Variants in BRME1 observed in about 807,000 individuals in gnomAD.
The protein encoded by BRME1 is break repair meiotic recombinase recruitment factor 1.
In BRME1, 31 loss-of-function variants were observed where a neutral mutation model predicts 52.6. The ratio of observed to expected loss-of-function variants is 0.59; its 90% confidence interval spans 0.44 to 0.80. BRME1 has a LOEUF of 0.80. Among genes scored for constraint, BRME1 ranks in the 30% least tolerant of loss-of-function variants. The pLI, the probability that BRME1 is intolerant of heterozygous loss-of-function variation, is 0.00. For missense variants in BRME1, 804 were observed against 860.3 expected, an observed-to-expected ratio of 0.93 and a Z score of 0.82; for synonymous variants, 359 against 353.6, an observed-to-expected ratio of 1.02 and a Z score of -0.17.
chr19:13,887,087 A>C (rs913517183), intron 6 of BRME1, among the ~76,000 whole-genome samples: 5 of 152,208 alleles, frequency 3.3e-5, no homozygotes, highest in Non-Finnish European at 7.3e-5. Context: ...CCTTGGTTTG[A>C]GGTTTGAAAG....
chr19:13,904,695 C>T (rs1432361575), intron 2 of BRME1, among the ~76,000 whole-genome samples, 167 bp downstream of exon 2: 2 of 152,018 alleles, frequency 1.3e-5, no homozygotes. Flanking sequence ...CCGCCTCGGC[C>T]TCCCAAAGTG....
chr19:13,883,233 A>C lies in BRME1; in HGVS notation c.1856+75T>G. On this transcript the variant is annotated intron_variant, in intron 8 of 8. Coordinates refer to ENST00000586783, the MANE Select transcript of BRME1 (RefSeq NM_001345843.2). The surrounding 1 kb of genome is among the most constrained non-coding windows in gnomAD (Gnocchi z 4.2). ...TGCCCACCTAGGGGCTTCACACTTC[A>C]GTCCCTCCCTGCTCCTCTGAGTCCC... 1 of 1,350,942 alleles carries C rather than the reference A, an allele frequency of 7.4e-7. No individual in the cohort carries two copies. The highest frequency in any genetic ancestry group is 1.0e-6 in the Non-Finnish European group (1 of 985,110). 83.7% of individuals were successfully genotyped at this position (1,350,942 alleles called of 1,614,324 possible). A position where few individuals can be genotyped will look rare whatever the true frequency, so the allele number is the denominator to read the frequency against.
At chr19:13,899,986 A>G (rs1970191397) in intron 2 of BRME1, among the ~76,000 whole-genome samples, 1 of 152,220 alleles carries the variant, frequency 6.6e-6, no homozygotes, top group Admixed American at 6.5e-5. Context: ...TGGGTGACAG[A>G]GCAAGACTCT....
chr19:13,882,547 G>C lies in BRME1; in HGVS notation c.*255C>G. On this transcript the variant is annotated 3_prime_UTR_variant, in exon 9 of 9. Transcript: ENST00000586783. ...GCTCAGAGGTGGCCAGCTTCCTGGA[G>C]CCCAGGCCCGCTTGAAGTCACTGGG... 1 of 552,966 alleles carries C rather than the reference G, an allele frequency of 1.8e-6. No homozygotes were observed. The highest frequency in any genetic ancestry group is 3.2e-6 in the Non-Finnish European group (1 of 317,212). The allele number at this position is 552,966 out of a possible 1,614,324, so 34.3% of individuals were successfully genotyped here.
Position 13,883,411 on chromosome 19 carries a change from G to T in BRME1, c.1764-11C>A. On this transcript the variant is annotated splice_polypyrimidine_tract_variant and intron_variant, in intron 7 of 8. Transcript: ENST00000586783. This position sits in a 1 kb window ranked among gnomAD's most constrained non-coding sequence, Gnocchi z 4.2. ...ATCCCCACGAAGGTCCTGGCCAGCAGGGAAGGAAATTGAGAGTGGCCCGAC... is the reference window on the plus strand; with the variant it reads ...ATCCCCACGAAGGTCCTGGCCAGCATGGAAGGAAATTGAGAGTGGCCCGAC... The T allele has an allele frequency of 6.5e-7, 1 of 1,529,148 alleles. No individual in the cohort carries two copies. The highest frequency in any genetic ancestry group is 8.8e-7 in the Non-Finnish European group (1 of 1,141,044). 94.7% of individuals were successfully genotyped at this position (1,529,148 alleles called of 1,614,324 possible).
rs200969478 is a variant in BRME1, at chr19:13,889,206, G to A, written c.1650C>T (p.Phe550=). Reference sequence around the variant, plus strand: ...CTCTCACCTGCTCAGGTGGGGCTTCGAAGTCAGAGGCGTCCAGGGCATCCT... The same window carrying A: ...CTCTCACCTGCTCAGGTGGGGCTTCAAAGTCAGAGGCGTCCAGGGCATCCT... ...QIQDALDASD[F]EAPPEQLFPS... The change falls in exon 6 of 9, where the codon TTC becomes TTT. Residue 550 remains phenylalanine, a synonymous_variant. Coordinates refer to ENST00000586783, the MANE Select transcript of BRME1 (RefSeq NM_001345843.2). 162 of 1,591,774 alleles carry A rather than the reference G, an allele frequency of 1.0e-4. No homozygotes were observed. The East Asian group carries it at 3.0e-3, about 29-fold the overall frequency.
intron 6 of BRME1, among the ~76,000 whole-genome samples, chr19:13,886,583 C>T (rs1001785693): frequency 6.6e-6 from 1 of 152,082 alleles, no homozygotes; most frequent in Non-Finnish European, 1.5e-5. Flanking sequence ...AACTCCACGG[C>T]GCTTAAGCTT....
intron 2 of BRME1, among the ~76,000 whole-genome samples, chr19:13,898,596 C>T (rs942668535): frequency 6.6e-6 from 1 of 151,874 alleles, no homozygotes; most frequent in East Asian, 1.9e-4. Context: ...AGCAACAGAG[C>T]TAGATCCTAT....
intron 1 of BRME1, among the ~76,000 whole-genome samples, chr19:13,905,414 A>G (rs1970624806): frequency 6.6e-6 from 1 of 151,924 alleles, no homozygotes; most frequent in Admixed American, 6.6e-5. Context: ...AGGCTGAGAC[A>G]GTAGAATTCC....
At chr19:13,905,141 C>T (rs1970590608) in intron 1 of BRME1, among the ~76,000 whole-genome samples, 1 of 152,002 alleles carries the variant, frequency 6.6e-6, no homozygotes, top group African/African-American at 2.4e-5. Context: ...GATCTTATGC[C>T]CAGGACCTGA....
chr19:13,902,925 C>CAA (rs924463865), intron 2 of BRME1, among the ~76,000 whole-genome samples: 9 of 88,056 alleles, frequency 1.0e-4, no homozygotes, highest in South Asian at 7.2e-4. Flanking sequence ...AACTCCGTCT[C>CAA]AAAAAAAAAA....
intron 3 of BRME1, among the ~76,000 whole-genome samples, chr19:13,894,077 T>A (rs894607931): frequency 6.6e-6 from 1 of 152,278 alleles, no homozygotes; most frequent in East Asian, 1.9e-4. Flanking sequence ...CTTTGTTACA[T>A]TTATAATCCC....
At position 13,892,779 on chromosome 19, in the gene BRME1, G is replaced by C. The variant is rs369073842; in HGVS notation, c.393+7C>G. 1.2e-6 allele frequency: 2 copies of C among 1,609,722 alleles called. No homozygotes were observed. Among genetic ancestry groups the C allele is most frequent in the African/African-American group, 2.7e-5 (2 of 74,810 alleles). On this transcript the variant is annotated splice_region_variant and intron_variant, in intron 5 of 8. Coordinates refer to ENST00000586783, the MANE Select transcript of BRME1 (RefSeq NM_001345843.2). ...TGGGCTCAGCCTGGCTGATTTTAGA[G>C]CCTTACCAGGCTAAAGGCCCCACTC...
chr19:13,892,052 G>A (rs912630341), intron 5 of BRME1, among the ~76,000 whole-genome samples: 4 of 146,054 alleles, frequency 2.7e-5, no homozygotes, highest in African/African-American at 7.9e-5. Flanking sequence ...CAACCTGGGC[G>A]ATAAGCAAGA....
intron 3 of BRME1, among the ~76,000 whole-genome samples, chr19:13,894,540 T>C (rs1969745181): frequency 6.6e-6 from 1 of 151,968 alleles, no homozygotes; most frequent in African/African-American, 2.4e-5. Context: ...AATAAATAAA[T>C]AAATAAGGAT....
Position 13,883,486 on chromosome 19 carries a change from C to A in BRME1, c.1764-86G>T. ...AGTGGGAGGGGCTTCCGCAGGGCCT[C>A]GCGCCATCTTTTCCAGGTGTCCAGC... On this transcript the variant is annotated intron_variant, in intron 7 of 8. Coordinates refer to ENST00000586783, the MANE Select transcript of BRME1 (RefSeq NM_001345843.2). The surrounding 1 kb of genome is among the most constrained non-coding windows in gnomAD (Gnocchi z 4.2). 5 of 1,008,652 alleles carry A rather than the reference C, an allele frequency of 5.0e-6. No individual in the cohort carries two copies. The highest frequency in any genetic ancestry group is 7.4e-6 in the Non-Finnish European group (5 of 675,298). The allele number at this position is 1,008,652 out of a possible 1,614,324, so 62.5% of individuals were successfully genotyped here. A position where few individuals can be genotyped will look rare whatever the true frequency, so the allele number is the denominator to read the frequency against.
chr19:13,895,298 T>G, intron 3 of BRME1, 74 bp downstream of exon 3: 1 of 1,476,454 alleles, frequency 6.8e-7, no homozygotes, highest in Admixed American at 2.0e-5. Flanking sequence ...TCCCAAAGCA[T>G]TGCTGTCTGC....
chr19:13,903,822 A>G (rs1436730284), intron 2 of BRME1, among the ~76,000 whole-genome samples: 3 of 152,330 alleles, frequency 2.0e-5, no homozygotes, highest in South Asian at 4.1e-4. Flanking sequence ...ACTGTGGCAC[A>G]GAGGAAATCA....
intron 5 of BRME1, among the ~76,000 whole-genome samples, chr19:13,892,037 C>T (rs1218452537): frequency 6.6e-6 from 1 of 150,548 alleles, no homozygotes; most frequent in African/African-American, 2.5e-5. Context: ...CACACCACTG[C>T]ACTCCAACCT....
Sources: gnomAD v4.1 joint callset for allele counts (sites outside exome capture counted in the v4.1 genomes callset) on GRCh38, gnomAD v4.1.1 for gene constraint, Gnocchi (gnomAD v3.1) non-coding constraint, MANE v1.5 for transcripts, NCBI Gene and HGNC (gene_info 2026-07-23, HGNC 2026-07-21) for gene names.